Variants in C14orf39 observed in about 807,000 individuals in gnomAD.
C14orf39 encodes the protein protein SIX6OS1.
C14orf39 carries 66 observed loss-of-function variants against 85.6 expected under a neutral mutation model. The ratio of observed to expected loss-of-function variants is 0.77; its 90% confidence interval spans 0.63 to 0.95. The LOEUF is 0.95. C14orf39 is among the 40% of genes least tolerant of loss of function. The probability of loss-of-function intolerance (pLI) is 0.00; values close to 1 mark genes in which losing one functional copy is unlikely to be tolerated. For synonymous variants in C14orf39, 242 were observed against 214.0 expected (o/e 1.13, Z -1.14); for missense variants, 735 against 663.9 (o/e 1.11, Z -1.18).
At chr14:60,496,673 G>T (rs1893074096) in intron 2 of C14orf39, 1 of 153,018 alleles carries the variant, frequency 6.5e-6, no homozygotes, top group African/African-American at 2.4e-5. Flanking sequence ...TCTCTCAGTT[G>T]TTAGCCTCTT....
At position 60,483,612 on chromosome 14, in the gene C14orf39, G is replaced by C. The variant is rs1201540455; in HGVS notation, c.233+79C>G. The C allele has an allele frequency of 2.4e-6, 3 of 1,256,184 alleles. 1 individual carries two copies. The highest frequency in any genetic ancestry group is 3.3e-6 in the Non-Finnish European group (3 of 910,722). The allele number at this position is 1,256,184 out of a possible 1,614,324, so 77.8% of individuals were successfully genotyped here. A position where few individuals can be genotyped will look rare whatever the true frequency, so the allele number is the denominator to read the frequency against. On this transcript the variant is annotated intron_variant, in intron 4 of 17. Transcript: ENST00000321731. ...ATTAGCTAATACAGAATACTACTTTGAAGGAAGTATCTTCAACTGTAAACT... is the reference window on the plus strand; with the variant it reads ...ATTAGCTAATACAGAATACTACTTTCAAGGAAGTATCTTCAACTGTAAACT...
intron 1 of C14orf39, among the ~76,000 whole-genome samples, chr14:60,506,490 A>G (rs1363758067): frequency 6.6e-6 from 1 of 152,126 alleles, no homozygotes; most frequent in African/African-American, 2.4e-5. Context: ...AATCCCGTGG[A>G]GCTTCCCTCT....
intron 1 of C14orf39, among the ~76,000 whole-genome samples, chr14:60,500,691 A>G (rs1893131680): frequency 6.6e-6 from 1 of 152,188 alleles, no homozygotes; most frequent in African/African-American, 2.4e-5. Context: ...ACTTTCATCA[A>G]AGGGGAAAAA....
intron 17 of C14orf39, 125 bp from the exon 18 acceptor site, chr14:60,437,172 C>T (rs2140003477): frequency 1.5e-6 from 1 of 651,448 alleles, no homozygotes; most frequent in Admixed American, 3.0e-5. Context: ...CACAGGAATA[C>T]AGGTATTTAA....
intron 1 of C14orf39, among the ~76,000 whole-genome samples, chr14:60,510,490 C>G (rs2140188793): frequency 6.6e-6 from 1 of 152,358 alleles, no homozygotes; most frequent in Middle Eastern, 3.4e-3. Context: ...GCCTGCCACT[C>G]TTGTCTCAAA....
At position 60,458,754 on chromosome 14, in the gene C14orf39, GAACA is replaced by G; in HGVS notation, c.1118-19_1118-16del. ...ATACTCAGCATCTGTTGTCATATGA[GAACA>G]AACTATTTTTCTTTTTGTAATTTTA... On this transcript the variant is annotated splice_polypyrimidine_tract_variant and intron_variant, in intron 13 of 17. Coordinates refer to ENST00000321731, the MANE Select transcript of C14orf39 (RefSeq NM_174978.3). 6.4e-7 allele frequency: 1 copy of G among 1,562,140 alleles called. No individual in the cohort carries two copies. The highest frequency in any genetic ancestry group is 8.7e-7 in the Non-Finnish European group (1 of 1,149,412).
intron 2 of C14orf39, among the ~76,000 whole-genome samples, chr14:60,497,126 T>C (rs1010309430): frequency 9.2e-5 from 14 of 152,194 alleles, no homozygotes; most frequent in African/African-American, 3.1e-4. Flanking sequence ...GTTCTTAACA[T>C]GCTCTTTCCA....
chr14:60,510,567 T>C (rs1893275641), intron 1 of C14orf39, among the ~76,000 whole-genome samples: 1 of 132,632 alleles, frequency 7.5e-6, no homozygotes, highest in Admixed American at 7.6e-5. Context: ...TAGCCAAACA[T>C]TTTGCGGAAG....
intron 1 of C14orf39, among the ~76,000 whole-genome samples, chr14:60,503,222 G>A (rs952675830): frequency 6.6e-6 from 1 of 151,954 alleles, no homozygotes; most frequent in South Asian, 2.1e-4. Context: ...TTCCACCCCC[G>A]CTCAAAAAAC....
intron 16 of C14orf39, among the ~76,000 whole-genome samples, chr14:60,452,018 T>C (rs556758506): frequency 2.6e-4 from 38 of 148,526 alleles, no homozygotes; most frequent in Non-Finnish European, 4.9e-4. Flanking sequence ...CCATCTCTAC[T>C]AAAGTACAAA....
chr14:60,461,463 A>T, intron 12 of C14orf39, 45 bp downstream of exon 12: 1 of 1,569,982 alleles, frequency 6.4e-7, no homozygotes, highest in Non-Finnish European at 8.7e-7. Context: ...TGATATCTAT[A>T]AATTATTTCA....
intron 16 of C14orf39, among the ~76,000 whole-genome samples, chr14:60,442,643 C>T (rs1312877592): frequency 6.6e-6 from 1 of 152,186 alleles, no homozygotes; most frequent in Non-Finnish European, 1.5e-5. Context: ...AAATCTGACT[C>T]TTTCCATGGC....
At chr14:60,457,136 G>A in intron 14 of C14orf39, 41 bp from the exon 15 acceptor site, 2 of 1,336,372 alleles carry the variant, frequency 1.5e-6, no homozygotes, top group Non-Finnish European at 2.0e-6. Flanking sequence ...AACAAATGCT[G>A]CTGCATTAAT....
In C14orf39 at chr14:60,467,991, AAAGAC is replaced by A. The variant is rs556498537; in HGVS notation, c.767+449_767+453del. 3.0e-3 allele frequency among the ~76,000 whole-genome samples: 458 copies of A among 151,828 alleles called. 4 individuals are homozygous for A. The highest frequency in any genetic ancestry group is 0.011 in the African/African-American group (440 of 41,516). On this transcript the variant is annotated intron_variant, in intron 9 of 17. Transcript: ENST00000321731. ...TCTCTATTTTATCGCCATTAAAACA[AAAGAC>A]AAGGAAATATGATGCCACACATTTA...
At chr14:60,509,565 C>T in intron 1 of C14orf39, 1 of 1,612,230 alleles carries the variant, frequency 6.2e-7, no homozygotes, top group Non-Finnish European at 8.5e-7. Flanking sequence ...GTGCTACGCG[C>T]ACGAGCCATC....
intron 13 of C14orf39, among the ~76,000 whole-genome samples, chr14:60,459,791 C>G (rs1383551993): frequency 3.3e-5 from 5 of 151,698 alleles, no homozygotes; most frequent in African/African-American, 9.7e-5. Flanking sequence ...ATACTTTGCA[C>G]ATATTTTTAA....
rs761768833 is a variant in C14orf39 at position 60,457,084 on chromosome 14, A to G, written c.1191T>C (p.Thr397=). 1 of 1,570,502 alleles carries G rather than the reference A, an allele frequency of 6.4e-7. No individual in the cohort carries two copies. The highest frequency in any genetic ancestry group is 1.2e-5 in the South Asian group (1 of 84,018). Residue 397 remains threonine (T), a synonymous_variant, in exon 15 of 18, where the codon ACT becomes ACC. Coordinates refer to ENST00000321731, the MANE Select transcript of C14orf39 (RefSeq NM_174978.3). ...ESKCTSQAIY[T]EHFGKSVEND... is the part of the protein sequence containing the mutation. The stretch of plus-strand genomic sequence containing the variant: ...TTTCTACTGACTTCCCAAAATGTTC[A>G]GTATATATAGCCTGCAAATTCAAAG...
At chr14:60,440,471 C>T (rs771013944) in intron 17 of C14orf39, among the ~76,000 whole-genome samples, 2 of 152,164 alleles carry the variant, frequency 1.3e-5, no homozygotes, top group Admixed American at 6.6e-5. Context: ...CTTCAGAAAA[C>T]TTTGTAACCA....
At chr14:60,509,892 C>T in intron 1 of C14orf39, 1 of 1,613,054 alleles carries the variant, frequency 6.2e-7, no homozygotes, top group Non-Finnish European at 8.5e-7. Flanking sequence ...GCCCAGGCAA[C>T]CGGACTGACC....
Sources: gnomAD v4.1 joint callset for allele counts (sites outside exome capture counted in the v4.1 genomes callset) on GRCh38, gnomAD v4.1.1 for gene constraint, MANE v1.5 for transcripts, NCBI Gene and HGNC (gene_info 2026-07-23, HGNC 2026-07-21) for gene names.